The following PTPN3 variants were observed in gnomAD, a reference collection of about 807,000 sequenced individuals.
PTPN3 encodes protein tyrosine phosphatase non-receptor type 3, also known as tyrosine-protein phosphatase non-receptor type 3.
PTPN3 carries 96 observed loss-of-function variants against 132.7 expected under a neutral mutation model. That is an observed-to-expected ratio of 0.72 (90% CI 0.61 to 0.86). The LOEUF (loss-of-function observed/expected upper bound fraction) is 0.86, where lower values mean the gene tolerates loss of function less well. Ranked by LOEUF, PTPN3 falls within the 40% of genes least tolerant of loss-of-function variation. The pLI, the probability that PTPN3 is intolerant of heterozygous loss-of-function variation, is 0.00. For synonymous variants in PTPN3, 398 were observed against 429.0 expected (o/e 0.93, Z 0.89); for missense variants, 1,125 against 1,159.6 (o/e 0.97, Z 0.43).
chr9:109,448,768 T>G, intron 6 of PTPN3, 43 bp downstream of exon 6: 2 of 1,536,474 alleles, frequency 1.3e-6, no homozygotes, highest in Non-Finnish European at 1.8e-6. Context: ...ACCAGGAATT[T>G]TGCTAGTCTA....
chr9:109,490,000 GGC>G (rs1413732775), intron 1 of PTPN3, among the ~76,000 whole-genome samples: 1 of 151,790 alleles, frequency 6.6e-6, no homozygotes, highest in Non-Finnish European at 1.5e-5. Context: ...TGGCCAACAT[GGC>G]AAAACCTCAT....
intron 2 of PTPN3, among the ~76,000 whole-genome samples, chr9:109,457,886 C>T (rs1019448202): frequency 3.9e-5 from 6 of 152,378 alleles, no homozygotes; most frequent in African/African-American, 1.4e-4. Context: ...AAATACTCAA[C>T]TGCCATTCAA....
intron 19 of PTPN3, among the ~76,000 whole-genome samples, chr9:109,395,888 A>T (rs1305908994): frequency 9.8e-5 from 11 of 112,108 alleles, no homozygotes; most frequent in African/African-American, 1.7e-4. Context: ...ACAGAATCTT[A>T]CTCTGTTACC....
At chr9:109,411,856 C>T (rs959371036) in intron 14 of PTPN3, among the ~76,000 whole-genome samples, 3 of 152,168 alleles carry the variant, frequency 2.0e-5, no homozygotes, top group Non-Finnish European at 4.4e-5. Context: ...CACAGCGATA[C>T]AGTAGGACAA....
intron 25 of PTPN3, among the ~76,000 whole-genome samples, 186 bp from the exon 26 acceptor site, chr9:109,379,819 G>C (rs532793965): frequency 3.9e-5 from 6 of 152,362 alleles, no homozygotes; most frequent in East Asian, 1.9e-4. Flanking sequence ...TCCCAGAGAG[G>C]GGTGGGCAAA....
intron 1 of PTPN3, among the ~76,000 whole-genome samples, chr9:109,496,506 C>A (rs777723644): frequency 2.7e-4 from 41 of 152,328 alleles, no homozygotes; most frequent in Non-Finnish European, 4.4e-4. Flanking sequence ...CTGCTCAGAG[C>A]CTCCATGTCC....
chr9:109,508,585 T>C, the PTPN3 span, among the ~76,000 whole-genome samples: 2 of 152,220 alleles, frequency 1.3e-5, no homozygotes, highest in East Asian at 1.9e-4. Flanking sequence ...AAGCAAGATA[T>C]GTGAAGGGCT....
intron 1 of PTPN3, among the ~76,000 whole-genome samples, chr9:109,474,929 A>G (rs1846576790): frequency 6.6e-6 from 1 of 152,154 alleles, no homozygotes; most frequent in South Asian, 2.1e-4. Flanking sequence ...GGATTTCCCT[A>G]AGGTTGTTTT....
At chr9:109,413,901 C>T (rs1240649570) in intron 14 of PTPN3, among the ~76,000 whole-genome samples, 1 of 152,140 alleles carries the variant, frequency 6.6e-6, no homozygotes, top group East Asian at 1.9e-4. Context: ...TCTCCCTAAA[C>T]CCTAGAAAAT....
intron 4 of PTPN3, 167 bp downstream of exon 4, chr9:109,457,006 T>C (rs1845600665): frequency 1.5e-6 from 1 of 679,200 alleles, no homozygotes; most frequent in South Asian, 1.9e-5. Flanking sequence ...TCTGGAAGCA[T>C]CTCTGCTGAC....
chr9:109,386,038 G>A (rs1003265612), intron 22 of PTPN3, among the ~76,000 whole-genome samples: 9 of 152,194 alleles, frequency 5.9e-5, no homozygotes, highest in Admixed American at 5.9e-4. Flanking sequence ...TGCATGATAT[G>A]GGTGAACACA....
At chr9:109,430,426 C>G (rs191374894) in intron 10 of PTPN3, among the ~76,000 whole-genome samples, 78 of 152,256 alleles carry the variant, frequency 5.1e-4, no homozygotes, top group African/African-American at 1.9e-3. Context: ...CCCAATTTCC[C>G]CACCTGACAG....
chr9:109,406,186 G>GGGA (rs1444501641), intron 18 of PTPN3, among the ~76,000 whole-genome samples: 1 of 152,218 alleles, frequency 6.6e-6, no homozygotes, highest in Non-Finnish European at 1.5e-5. Flanking sequence ...CGCTGGGCCT[G>GGGA]GGAGGAACTG....
chr9:109,455,711 T>C (rs1050301206), intron 4 of PTPN3, among the ~76,000 whole-genome samples: 1 of 152,230 alleles, frequency 6.6e-6, no homozygotes, highest in African/African-American at 2.4e-5. Flanking sequence ...GCTGCAGGCA[T>C]AGCCTCTTTT....
intron 19 of PTPN3, among the ~76,000 whole-genome samples, chr9:109,395,848 G>T (rs1222279076): frequency 1.7e-5 from 2 of 120,706 alleles, no homozygotes; most frequent in Admixed American, 1.1e-4. Context: ...TTTTTTTCAA[G>T]TTCCTATTTT....
chr9:109,536,472 C>T, the PTPN3 span, among the ~76,000 whole-genome samples: 1 of 152,322 alleles, frequency 6.6e-6, no homozygotes, highest in East Asian at 1.9e-4. Flanking sequence ...ACATTCAAGA[C>T]AATTTTTGTC....
intron 19 of PTPN3, among the ~76,000 whole-genome samples, chr9:109,397,047 AG>A (rs1243896825): frequency 1.3e-5 from 2 of 152,178 alleles, no homozygotes; most frequent in African/African-American, 4.8e-5. Context: ...GAACCCAAGA[AG>A]GGGGAAGAAA....
At chr9:109,417,759 T>C in intron 14 of PTPN3, 2 of 985,312 alleles carry the variant, frequency 2.0e-6, no homozygotes, top group Non-Finnish European at 2.4e-6. Context: ...CTTGACCCCC[T>C]GACATGTCTA....
At chr9:109,533,828 C>T in the PTPN3 span, 1 of 871,464 alleles carries the variant, frequency 1.1e-6, no homozygotes, top group East Asian at 2.4e-5. Flanking sequence ...GTTCTTTCCC[C>T]CACTCTCGCT....
Sources: gnomAD v4.1 joint callset for allele counts (sites outside exome capture counted in the v4.1 genomes callset) on GRCh38, gnomAD v4.1.1 for gene constraint, MANE v1.5 for transcripts, NCBI Gene and HGNC (gene_info 2026-07-23, HGNC 2026-07-21) for gene names.